COX7A2L: variants seen among roughly 807,000 people sequenced by gnomAD.
The protein encoded by COX7A2L is cytochrome c oxidase subunit 7A2 like, also known as cytochrome c oxidase subunit 7A2-like, mitochondrial.
A neutral mutation model predicts 14.2 loss-of-function variants in COX7A2L; 18 were observed. That is an observed-to-expected ratio of 1.27 (90% CI 0.88 to 1.88). The LOEUF (loss-of-function observed/expected upper bound fraction) is 1.88, where lower values mean the gene tolerates loss of function less well. COX7A2L is among the 40% of genes most tolerant of loss of function. The probability of loss-of-function intolerance (pLI) is 0.00; values close to 1 mark genes in which losing one functional copy is unlikely to be tolerated. For synonymous variants in COX7A2L, 65 were observed against 57.4 expected (o/e 1.13, Z -0.60); for missense variants, 179 against 138.8 (o/e 1.29, Z -1.46).
At chr2:42,337,858 C>A (rs1315435085) in intron 2 of COX7A2L, among the ~76,000 whole-genome samples, 2 of 152,200 alleles carry the variant, frequency 1.3e-5, no homozygotes, top group Non-Finnish European at 2.9e-5. Flanking sequence ...TGCACGTGTG[C>A]ACCTGCAGTG....
chr2:42,336,432 G>C lies in COX7A2L; in HGVS notation c.193-2563C>G, dbSNP rs531128989. Among the ~76,000 whole-genome samples the C allele has an allele frequency of 9.5e-4, 143 of 150,480 alleles. 1 individual carries two copies. The highest frequency in any genetic ancestry group is 3.5e-3 in the Middle Eastern group (1 of 282). On this transcript the variant is annotated intron_variant, in intron 2 of 2. Coordinates refer to the COX7A2L transcript ENST00000468711. ...GTCCTTTCACCAGATCTCATTGAAG[G>C]CACTGAGAAGAAAGTGAGTGCCCGA...
At chr2:42,360,921 C>T in intron 1 of COX7A2L, 169 bp downstream of exon 1, 3 of 694,266 alleles carry the variant, frequency 4.3e-6, no homozygotes, top group South Asian at 3.2e-5. Flanking sequence ...AAAAAGAAGC[C>T]TCAGTGACCA....
chr2:42,363,988 A>T (rs1461622592), upstream of COX7A2L, among the ~76,000 whole-genome samples: 1 of 152,170 alleles, frequency 6.6e-6, no homozygotes, highest in African/African-American at 2.4e-5. Context: ...CATAAAATTT[A>T]AATTGGGTAA....
chr2:42,341,055 G>C (rs995590496), intron 2 of COX7A2L, among the ~76,000 whole-genome samples: 2 of 152,050 alleles, frequency 1.3e-5, no homozygotes, highest in African/African-American at 4.8e-5. Flanking sequence ...ATTCTGTCTT[G>C]GTTATAACGT....
chr2:42,366,775 A>C (rs1228429508), intron 1 of COX7A2L, among the ~76,000 whole-genome samples: 1 of 152,216 alleles, frequency 6.6e-6, no homozygotes, highest in Non-Finnish European at 1.5e-5. Flanking sequence ...GTTATAAGAA[A>C]AATTATAATC....
At chr2:42,360,818 T>C (rs1300941848) in intron 1 of COX7A2L, 8 of 490,796 alleles carry the variant, frequency 1.6e-5, no homozygotes, top group Non-Finnish European at 2.6e-5. Flanking sequence ...CCATCCCTTT[T>C]AGACAAGTGA....
At chr2:42,361,275 A>C (rs1671042958), upstream of COX7A2L, 1 of 947,940 alleles carries the variant, frequency 1.1e-6, no homozygotes, top group Non-Finnish European at 1.6e-6. Flanking sequence ...TGCTGGGACT[A>C]GGGCTGCCCG....
intron 2 of COX7A2L, among the ~76,000 whole-genome samples, chr2:42,336,349 A>G (rs1193258687): frequency 6.6e-6 from 1 of 152,228 alleles, no homozygotes; most frequent in African/African-American, 2.4e-5. Flanking sequence ...ATTACTAAGT[A>G]TCTCAGTGGG....
intron 1 of COX7A2L, among the ~76,000 whole-genome samples, chr2:42,356,512 G>A (rs1345671738): frequency 6.6e-6 from 1 of 152,202 alleles, no homozygotes; most frequent in Non-Finnish European, 1.5e-5. Context: ...AACTAAAGAA[G>A]GCTATAGCTT....
At chr2:42,336,708 A>G (rs1217128866) in intron 2 of COX7A2L, among the ~76,000 whole-genome samples, 1 of 152,210 alleles carries the variant, frequency 6.6e-6, no homozygotes, top group Non-Finnish European at 1.5e-5. Flanking sequence ...CTCTGTTTCA[A>G]TTGACAAATG....
Position 42,353,346 on chromosome 2 carries a change from G to A in COX7A2L, c.73-3C>T. 1.2e-6 allele frequency: 2 copies of A among 1,611,752 alleles called. No homozygotes were observed. The highest frequency in any genetic ancestry group is 4.5e-5 in the East Asian group (2 of 44,848). The stretch of plus-strand genomic sequence containing the variant: ...GTGGAAACCACAGGCTTTAATCCCT[G>A]TAGAGAAAAAAAGGAAAATGGCAAG... On this transcript the variant is annotated splice_polypyrimidine_tract_variant and splice_region_variant and intron_variant, in intron 1 of 2. Transcript: ENST00000234301.
intron 2 of COX7A2L, among the ~76,000 whole-genome samples, chr2:42,336,088 C>T (rs1473680298): frequency 1.3e-5 from 2 of 152,202 alleles, no homozygotes; most frequent in African/African-American, 4.8e-5. Flanking sequence ...TGGGCAATTT[C>T]CATTTCACTG....
chr2:42,357,432 C>CT (rs1254256002), intron 1 of COX7A2L, among the ~76,000 whole-genome samples: 1 of 152,182 alleles, frequency 6.6e-6, no homozygotes, highest in Non-Finnish European at 1.5e-5. Context: ...CGTCAGCCTC[C>CT]TGAGTAGCTA....
upstream of COX7A2L, among the ~76,000 whole-genome samples, chr2:42,363,813 G>C (rs1671106727): frequency 1.3e-5 from 2 of 152,192 alleles, no homozygotes; most frequent in African/African-American, 4.8e-5. Flanking sequence ...CCACGACTCA[G>C]AGTAGAGAAG....
Position 42,339,264 on chromosome 2 carries a change from C to G in COX7A2L, c.193-5395G>C, listed in dbSNP as rs891043596. ...GCACTCAGGAAACCACAGACGCGGCCGTTGGCACCACCAGGAGCTGAGGGG... is the reference window on the plus strand; with the variant it reads ...GCACTCAGGAAACCACAGACGCGGCGGTTGGCACCACCAGGAGCTGAGGGG... On this transcript the variant is annotated intron_variant, in intron 2 of 2. Coordinates refer to the COX7A2L transcript ENST00000468711. The surrounding 1 kb of genome is among the most constrained non-coding windows in gnomAD (Gnocchi z 5.4). Among the ~76,000 whole-genome samples, 1 of 152,194 alleles carries G rather than the reference C, an allele frequency of 6.6e-6. No individual in the cohort carries two copies.
rs538226775 is a variant in COX7A2L at position 42,338,385 on chromosome 2, A to G, written c.193-4516T>C. Among the ~76,000 whole-genome samples the G allele has an allele frequency of 1.3e-3, 199 of 152,276 alleles. 1 individual carries two copies. Among genetic ancestry groups the G allele is most frequent in the African/African-American group, 4.3e-3 (179 of 41,548 alleles). ...GAAGAGCAGAATTTCACTCTCTAGC[A>G]GAGCCCTCCCAAGACTGCCGCAGAA... On this transcript the variant is annotated intron_variant, in intron 2 of 2. Transcript: ENST00000468711. This position sits in a 1 kb window ranked among gnomAD's most constrained non-coding sequence, Gnocchi z 4.4.
chr2:42,336,870 A>G (rs1196039557), intron 2 of COX7A2L, among the ~76,000 whole-genome samples: 1 of 152,186 alleles, frequency 6.6e-6, no homozygotes, highest in Non-Finnish European at 1.5e-5. Context: ...GCACCCATTC[A>G]TCAGATATAT....
chr2:42,344,314 T>A (rs780279035), intron 2 of COX7A2L, among the ~76,000 whole-genome samples: 4 of 152,176 alleles, frequency 2.6e-5, no homozygotes, highest in Non-Finnish European at 4.4e-5. Flanking sequence ...TGCTTACACG[T>A]GTTTTTCCAT....
At chr2:42,358,600 T>C (rs191500923) in intron 1 of COX7A2L, among the ~76,000 whole-genome samples, 1 of 152,328 alleles carries the variant, frequency 6.6e-6, no homozygotes, top group Non-Finnish European at 1.5e-5. Context: ...GCCTACACAG[T>C]ATCACTTCTT....
Sources: gnomAD v4.1 joint callset for allele counts (sites outside exome capture counted in the v4.1 genomes callset) on GRCh38, gnomAD v4.1.1 for gene constraint, Gnocchi (gnomAD v3.1) non-coding constraint, MANE v1.5 for transcripts, NCBI Gene and HGNC (gene_info 2026-07-23, HGNC 2026-07-21) for gene names.